The following DLG2 variants were observed in gnomAD, a reference collection of about 807,000 sequenced individuals.
The protein encoded by DLG2 is disks large homolog 2.
In DLG2, 45 loss-of-function variants were observed where a neutral mutation model predicts 132.5. The observed-to-expected ratio is 0.34, with a 90% CI of 0.27 to 0.44. DLG2 has a LOEUF of 0.44. Ranked by LOEUF, DLG2 falls within the 20% of genes least tolerant of loss-of-function variation. DLG2 has a pLI of 1.00. For missense variants in DLG2, 1,045 were observed against 1,196.9 expected (o/e 0.87, Z 1.87); for synonymous variants, 424 against 419.6 (o/e 1.01, Z -0.13).
At chr11:83,655,570 G>C (rs1225523810) in intron 18 of DLG2, among the ~76,000 whole-genome samples, 1 of 152,168 alleles carries the variant, frequency 6.6e-6, no homozygotes, top group Non-Finnish European at 1.5e-5. Flanking sequence ...GAGTTTATGT[G>C]TATATGTACA....
At chr11:85,285,957 G>T in intron 3 of DLG2, 1 of 324,998 alleles carries the variant, frequency 3.1e-6, no homozygotes, top group Non-Finnish European at 5.9e-6. Flanking sequence ...AAACCTTAAC[G>T]TAGGCAAATT....
At chr11:85,541,150 C>T (rs773043359) in intron 3 of DLG2, among the ~76,000 whole-genome samples, 1 of 152,086 alleles carries the variant, frequency 6.6e-6, no homozygotes, top group Non-Finnish European at 1.5e-5. Flanking sequence ...AATGTGCCAT[C>T]CTAAGGACTT....
intron 6 of DLG2, among the ~76,000 whole-genome samples, chr11:84,924,917 C>T (rs972060803): frequency 1.3e-5 from 2 of 152,130 alleles, no homozygotes; most frequent in Non-Finnish European, 2.9e-5. Flanking sequence ...ACTTTAAATG[C>T]AAAACTGAGT....
intron 6 of DLG2, among the ~76,000 whole-genome samples, chr11:84,638,025 G>C (rs959093014): frequency 1.3e-5 from 2 of 152,190 alleles, no homozygotes; most frequent in Non-Finnish European, 2.9e-5. Context: ...GCCTTAGAGA[G>C]CTGGAATGAA....
intron 3 of DLG2, among the ~76,000 whole-genome samples, chr11:85,574,600 C>A (rs759147237): frequency 6.6e-6 from 1 of 152,160 alleles, no homozygotes; most frequent in Non-Finnish European, 1.5e-5. Flanking sequence ...ATGTTTGTGT[C>A]ATGGGATGAA....
At chr11:83,724,863 C>T (rs1593154704) in intron 18 of DLG2, 1 of 702,486 alleles carries the variant, frequency 1.4e-6, no homozygotes, top group South Asian at 1.5e-5. Flanking sequence ...CACCACAGCT[C>T]TTTAGCAAGT....
intron 11 of DLG2, among the ~76,000 whole-genome samples, chr11:84,025,325 C>G (rs1327348794): frequency 6.6e-6 from 1 of 152,098 alleles, no homozygotes; most frequent in Non-Finnish European, 1.5e-5. Context: ...TGTAAAACTA[C>G]TAGATCTCTT....
chr11:83,479,812 C>CCAT (rs2092949983), intron 22 of DLG2, among the ~76,000 whole-genome samples: 1 of 152,044 alleles, frequency 6.6e-6, no homozygotes, highest in Non-Finnish European at 1.5e-5. Flanking sequence ...TGAAACTCTT[C>CCAT]CATCAGTTCC....
chr11:84,131,198 T>C (rs576976933), intron 9 of DLG2, among the ~76,000 whole-genome samples: 123 of 152,044 alleles, frequency 8.1e-4, no homozygotes, highest in Middle Eastern at 3.4e-3. Flanking sequence ...TTAGGAAACA[T>C]GAGCATGTTG....
chr11:83,804,298 G>A (rs1473764691), intron 17 of DLG2, among the ~76,000 whole-genome samples: 2 of 151,976 alleles, frequency 1.3e-5, no homozygotes, highest in African/African-American at 4.8e-5. Flanking sequence ...TCACCACTAT[G>A]AATGAGAAAT....
intron 11 of DLG2, among the ~76,000 whole-genome samples, chr11:84,004,941 T>A (rs1488177956): frequency 6.4e-5 from 3 of 46,554 alleles, no homozygotes; most frequent in African/African-American, 1.3e-4. Flanking sequence ...AAAATTTATA[T>A]AGAATCAAAA....
intron 3 of DLG2, among the ~76,000 whole-genome samples, chr11:85,466,578 A>G (rs2092798229): frequency 6.6e-6 from 1 of 152,136 alleles, no homozygotes; most frequent in South Asian, 2.1e-4. Flanking sequence ...TCCTTTCCCT[A>G]CTTCTTGTTT....
chr11:84,808,064 G>A (rs2153968399), intron 6 of DLG2, among the ~76,000 whole-genome samples: 1 of 152,110 alleles, frequency 6.6e-6, no homozygotes, highest in East Asian at 1.9e-4. Context: ...AGTGCCCATA[G>A]AACATTTACA....
At chr11:84,847,831 G>T (rs2156515) in intron 6 of DLG2, among the ~76,000 whole-genome samples, 9,947 of 152,132 alleles carry the variant, frequency 0.065, 651 homozygotes, top group African/African-American at 0.16. Flanking sequence ...TTTCAAAAAT[G>T]TATGGGTGTG....
At chr11:84,137,641 A>G (rs564970933) in intron 9 of DLG2, among the ~76,000 whole-genome samples, 10 of 152,288 alleles carry the variant, frequency 6.6e-5, no homozygotes, top group Admixed American at 3.9e-4. Context: ...GGGGCACTCA[A>G]CATAAACTAA....
chr11:85,008,381 C>T (rs2058878301), intron 6 of DLG2, among the ~76,000 whole-genome samples: 1 of 152,034 alleles, frequency 6.6e-6, no homozygotes, highest in South Asian at 2.1e-4. Context: ...CTATATTTCT[C>T]TGAATCGTAG....
At chr11:84,555,300 T>G (rs1362185766) in intron 6 of DLG2, among the ~76,000 whole-genome samples, 3 of 152,062 alleles carry the variant, frequency 2.0e-5, no homozygotes, top group Non-Finnish European at 4.4e-5. Flanking sequence ...TGGGTATATA[T>G]CCCAAAGAAT....
At chr11:85,520,879 C>T (rs570179757) in intron 3 of DLG2, among the ~76,000 whole-genome samples, 2 of 152,056 alleles carry the variant, frequency 1.3e-5, no homozygotes, top group Non-Finnish European at 2.9e-5. Flanking sequence ...GGATTAAAGA[C>T]TTAAATACCA....
At chr11:84,751,333 T>C (rs2066085332) in intron 6 of DLG2, among the ~76,000 whole-genome samples, 2 of 152,160 alleles carry the variant, frequency 1.3e-5, no homozygotes, top group African/African-American at 4.8e-5. Context: ...ACTATCTTCA[T>C]TTTTTATATG....
Sources: gnomAD v4.1 joint callset for allele counts (sites outside exome capture counted in the v4.1 genomes callset) on GRCh38, gnomAD v4.1.1 for gene constraint, MANE v1.5 for transcripts, NCBI Gene and HGNC (gene_info 2026-07-23, HGNC 2026-07-21) for gene names.